The following GSTCD variants were observed in gnomAD, a reference collection of about 807,000 sequenced individuals.
The protein encoded by GSTCD is glutathione S-transferase C-terminal domain-containing protein.
GSTCD carries 44 observed loss-of-function variants against 68.3 expected under a neutral mutation model. The observed-to-expected ratio is 0.64, with a 90% CI of 0.51 to 0.83. The LOEUF is 0.83. GSTCD is among the 40% of genes least tolerant of loss of function. The probability of loss-of-function intolerance (pLI) is 0.00; values close to 1 mark genes in which losing one functional copy is unlikely to be tolerated. For missense variants in GSTCD, 739 were observed against 735.9 expected, an observed-to-expected ratio of 1.00 and a Z score of -0.05; for synonymous variants, 273 against 255.2, an observed-to-expected ratio of 1.07 and a Z score of -0.67.
At chr4:105,721,175 T>C (rs1188121156) in intron 3 of GSTCD, among the ~76,000 whole-genome samples, 2 of 152,172 alleles carry the variant, frequency 1.3e-5, no homozygotes, top group Non-Finnish European at 2.9e-5. Flanking sequence ...GGTTTCACCA[T>C]GTTGGCCAGG....
At chr4:105,806,542 T>G (rs894734394) in intron 5 of GSTCD, among the ~76,000 whole-genome samples, 2 of 152,088 alleles carry the variant, frequency 1.3e-5, no homozygotes, top group Non-Finnish European at 2.9e-5. Flanking sequence ...GTCTCTATGT[T>G]TTTGCCTATA....
chr4:105,788,135 T>C (rs1735534063), intron 5 of GSTCD, among the ~76,000 whole-genome samples: 3 of 152,058 alleles, frequency 2.0e-5, no homozygotes, highest in Admixed American at 6.5e-5. Context: ...TCCTCCTGAA[T>C]TGTGTCATAA....
chr4:105,840,980 A>G (rs2149288270), intron 10 of GSTCD, among the ~76,000 whole-genome samples: 1 of 152,286 alleles, frequency 6.6e-6, no homozygotes. Context: ...CAGAAGCCAC[A>G]CAGTGATCTG....
intron 5 of GSTCD, among the ~76,000 whole-genome samples, chr4:105,748,257 GA>G (rs1272227299): frequency 6.6e-6 from 1 of 150,732 alleles, no homozygotes; most frequent in Non-Finnish European, 1.5e-5. Context: ...TCCATCTCAA[GA>G]AAAAGAAAAA....
intron 5 of GSTCD, among the ~76,000 whole-genome samples, chr4:105,753,963 GA>G (rs893722195): frequency 3.3e-5 from 5 of 150,660 alleles, no homozygotes; most frequent in African/African-American, 1.2e-4. Context: ...AAACTTTCAA[GA>G]TTTTTTTTTT....
intron 5 of GSTCD, among the ~76,000 whole-genome samples, chr4:105,763,579 C>T (rs942582896): frequency 6.6e-6 from 1 of 152,182 alleles, no homozygotes; most frequent in Non-Finnish European, 1.5e-5. Flanking sequence ...CTATGCTGCC[C>T]TTATGTGTCC....
intron 5 of GSTCD, among the ~76,000 whole-genome samples, chr4:105,797,719 A>G (rs796557695): frequency 4.1e-5 from 6 of 148,092 alleles, no homozygotes; most frequent in Non-Finnish European, 7.4e-5. Context: ...ATTTCTCTGT[A>G]GTATTTGATG....
intron 11 of GSTCD, among the ~76,000 whole-genome samples, chr4:105,843,834 C>A (rs1349001636): frequency 1.5e-5 from 2 of 137,508 alleles, no homozygotes; most frequent in Non-Finnish European, 3.0e-5. Flanking sequence ...TGGATGGGTA[C>A]ATGGTAGATG....
chr4:105,786,135 G>C (rs1169527183), intron 5 of GSTCD, among the ~76,000 whole-genome samples: 1 of 152,118 alleles, frequency 6.6e-6, no homozygotes, highest in Non-Finnish European at 1.5e-5. Flanking sequence ...TGTGATACTG[G>C]ATTATACAAA....
rs62317679 is a variant in GSTCD at position 105,814,929 on chromosome 4, C to T, written c.1241-8025C>T. ...ACTGCCTTTGCGGTTTATACAGACC[C>T]TGTGTAACTTGTATGAATAGCCCTG... On this transcript the variant is annotated intron_variant, in intron 5 of 11. Coordinates refer to ENST00000515279, the MANE Select transcript of GSTCD (RefSeq NM_001370181.1). Among the ~76,000 whole-genome samples, 1,508 of 152,272 alleles carry T rather than the reference C, an allele frequency of 9.9e-3. 14 individuals carry two copies. Among genetic ancestry groups the T allele is most frequent in the Non-Finnish European group, 0.015 (1,040 of 68,018 alleles).
intron 5 of GSTCD, among the ~76,000 whole-genome samples, chr4:105,794,577 T>C (rs1340385292): frequency 6.6e-6 from 1 of 151,758 alleles, no homozygotes; most frequent in Non-Finnish European, 1.5e-5. Flanking sequence ...CTAAAACTGC[T>C]CTAAAAAATA....
intron 7 of GSTCD, chr4:105,823,498 A>G: frequency 2.6e-6 from 1 of 388,874 alleles, no homozygotes. Flanking sequence ...AAAGAGGTTT[A>G]TAGGTTTAAG....
intron 5 of GSTCD, among the ~76,000 whole-genome samples, chr4:105,777,359 A>G (rs892521434): frequency 5.3e-5 from 8 of 152,204 alleles, no homozygotes; most frequent in Non-Finnish European, 1.0e-4. Flanking sequence ...TCCTCCAGGC[A>G]TAACTAGTTT....
intron 7 of GSTCD, 106 bp downstream of exon 7, chr4:105,823,381 C>T (rs1022719285): frequency 9.5e-6 from 8 of 845,152 alleles, no homozygotes; most frequent in Non-Finnish European, 1.4e-5. Flanking sequence ...TCACCCAAGT[C>T]AAATATGTGG....
At chr4:105,715,022 A>G (rs1005968819) in intron 1 of GSTCD, among the ~76,000 whole-genome samples, 2 of 152,070 alleles carry the variant, frequency 1.3e-5, no homozygotes, top group Admixed American at 6.5e-5. Context: ...CGTAATTACT[A>G]TTTTTTAGAC....
chr4:105,780,502 A>AC (rs1735236436), intron 5 of GSTCD, among the ~76,000 whole-genome samples: 1 of 152,248 alleles, frequency 6.6e-6, no homozygotes, highest in Non-Finnish European at 1.5e-5. Context: ...TCTGAGCCAT[A>AC]TAAGAACTGA....
intron 5 of GSTCD, among the ~76,000 whole-genome samples, chr4:105,754,836 A>C (rs1298936687): frequency 6.6e-6 from 1 of 152,018 alleles, no homozygotes; most frequent in African/African-American, 2.4e-5. Flanking sequence ...TGTCCTAGGG[A>C]AATAATTCAC....
chr4:105,823,876 C>G (rs1029296295), intron 7 of GSTCD, among the ~76,000 whole-genome samples: 1 of 152,054 alleles, frequency 6.6e-6, no homozygotes, highest in Non-Finnish European at 1.5e-5. Flanking sequence ...AATAGTTTTA[C>G]GTATCATCAT....
chr4:105,759,970 T>G lies in GSTCD; in HGVS notation c.1240+30471T>G, dbSNP rs184861214. Among the ~76,000 whole-genome samples the G allele has an allele frequency of 4.0e-3, 605 of 152,174 alleles. 5 individuals are homozygous for G. The highest frequency in any genetic ancestry group is 4.0e-3 in the Non-Finnish European group (269 of 68,008). Reference sequence around the variant, plus strand: ...ATTGTGACCTAAAGCAATAAAACATTGGTAGTTATTTCGCAGTCCTCTTTA... The same window carrying G: ...ATTGTGACCTAAAGCAATAAAACATGGGTAGTTATTTCGCAGTCCTCTTTA... On this transcript the variant is annotated intron_variant, in intron 5 of 11. Transcript: ENST00000515279.
Sources: gnomAD v4.1 joint callset for allele counts (sites outside exome capture counted in the v4.1 genomes callset) on GRCh38, gnomAD v4.1.1 for gene constraint, MANE v1.5 for transcripts, NCBI Gene and HGNC (gene_info 2026-07-23, HGNC 2026-07-21) for gene names.